HS6ST3: variants seen among roughly 807,000 people sequenced by gnomAD.
HS6ST3 encodes the protein heparan-sulfate 6-O-sulfotransferase 3.
HS6ST3 carries 12 observed loss-of-function variants against 36.7 expected under a neutral mutation model. The ratio of observed to expected loss-of-function variants is 0.33; its 90% CI spans 0.21 to 0.53. HS6ST3 has a LOEUF of 0.53. HS6ST3 is among the 20% of genes least tolerant of loss of function. The probability of loss-of-function intolerance (pLI) is 0.95; values close to 1 mark genes in which losing one functional copy is unlikely to be tolerated. For missense variants in HS6ST3, 584 were observed against 640.9 expected, an observed-to-expected ratio of 0.91 and a Z score of 0.96; for synonymous variants, 240 against 257.5, an observed-to-expected ratio of 0.93 and a Z score of 0.65.
intron 1 of HS6ST3, among the ~76,000 whole-genome samples, chr13:96,786,867 G>A: frequency 2.2e-4 from 1 of 4,472 alleles, no homozygotes; most frequent in East Asian, 7.5e-3. Context: ...TCTCCCTCAT[G>A]CTACCCTTTT....
intron 1 of HS6ST3, among the ~76,000 whole-genome samples, chr13:96,602,835 A>C (rs556887445): frequency 1.1e-4 from 17 of 152,224 alleles, no homozygotes; most frequent in Middle Eastern, 3.4e-3. Flanking sequence ...TCCAAGGTAA[A>C]GTCCTCTACT....
At chr13:96,444,036 T>C (rs1187169632) in intron 1 of HS6ST3, among the ~76,000 whole-genome samples, 1 of 152,196 alleles carries the variant, frequency 6.6e-6, no homozygotes, top group African/African-American at 2.4e-5. Context: ...ATTATTATTA[T>C]TTCCATATTA....
At chr13:96,099,017 C>T (rs2053805284) in intron 1 of HS6ST3, among the ~76,000 whole-genome samples, 1 of 152,178 alleles carries the variant, frequency 6.6e-6, no homozygotes, top group Admixed American at 6.5e-5. Context: ...GATCTCTGCT[C>T]ACTGCAACCT....
chr13:96,456,536 A>G (rs1471095178), intron 1 of HS6ST3, among the ~76,000 whole-genome samples: 1 of 152,216 alleles, frequency 6.6e-6, no homozygotes, highest in African/African-American at 2.4e-5. Context: ...TTCTGCTAAT[A>G]TCTATCATGT....
chr13:96,295,776 G>T (rs1444422409), intron 1 of HS6ST3, among the ~76,000 whole-genome samples: 1 of 152,128 alleles, frequency 6.6e-6, no homozygotes, highest in Non-Finnish European at 1.5e-5. Context: ...GATGTCTGAT[G>T]TTAGCTGCTG....
At chr13:96,429,779 T>C (rs985148646) in intron 1 of HS6ST3, among the ~76,000 whole-genome samples, 6 of 152,314 alleles carry the variant, frequency 3.9e-5, no homozygotes, top group African/African-American at 1.4e-4. Flanking sequence ...GATAGAAAAT[T>C]ATAGGGAGTA....
At chr13:96,324,811 G>C (rs1339908346) in intron 1 of HS6ST3, among the ~76,000 whole-genome samples, 6 of 152,166 alleles carry the variant, frequency 3.9e-5, no homozygotes, top group Admixed American at 2.0e-4. Flanking sequence ...AGAATAGATT[G>C]TCTCTCCCAG....
chr13:96,711,740 A>G (rs1875567081), intron 1 of HS6ST3, among the ~76,000 whole-genome samples: 1 of 152,096 alleles, frequency 6.6e-6, no homozygotes. Context: ...TTTTCTATTT[A>G]TATCATTGTG....
intron 1 of HS6ST3, among the ~76,000 whole-genome samples, chr13:96,725,672 G>A (rs1039243719): frequency 2.0e-5 from 3 of 149,330 alleles, no homozygotes; most frequent in African/African-American, 7.4e-5. Flanking sequence ...TGAATTGCAT[G>A]TGTGTGTGTG....
chr13:96,284,748 C>CTGCTTGCTTGCTTGCTTGCTTGCT (rs72180855), intron 1 of HS6ST3, among the ~76,000 whole-genome samples: 1 of 150,426 alleles, frequency 6.6e-6, no homozygotes, highest in Admixed American at 6.6e-5. Context: ...GGATACTGGT[C>CTGCTTGCTTGCTTGCTTGCTTGCT]TGCTTGCTTG....
chr13:96,517,899 A>T (rs2056078828), intron 1 of HS6ST3, among the ~76,000 whole-genome samples: 1 of 152,210 alleles, frequency 6.6e-6, no homozygotes, highest in Admixed American at 6.5e-5. Context: ...CCATAAAGAT[A>T]CATGCACGCA....
chr13:96,331,283 G>C (rs1395008993), intron 1 of HS6ST3, among the ~76,000 whole-genome samples: 1 of 152,062 alleles, frequency 6.6e-6, no homozygotes, highest in African/African-American at 2.4e-5. Context: ...CAGTTTTTCT[G>C]CTCTGTTTTT....
chr13:96,639,142 A>G (rs2056561386), intron 1 of HS6ST3, among the ~76,000 whole-genome samples: 2 of 151,994 alleles, frequency 1.3e-5, no homozygotes, highest in African/African-American at 4.8e-5. Context: ...GAAGTTCTCA[A>G]CTATTATTGT....
intron 1 of HS6ST3, among the ~76,000 whole-genome samples, chr13:96,328,413 G>A (rs955579389): frequency 5.9e-5 from 9 of 152,004 alleles, no homozygotes; most frequent in Non-Finnish European, 1.0e-4. Context: ...TTTGTCCAAG[G>A]CCTTTTCTGC....
At chr13:96,251,795 T>C (rs2054609338) in intron 1 of HS6ST3, among the ~76,000 whole-genome samples, 1 of 152,178 alleles carries the variant, frequency 6.6e-6, no homozygotes, top group African/African-American at 2.4e-5. Context: ...TTTCCCTTTT[T>C]AGTTTTTCTT....
intron 1 of HS6ST3, among the ~76,000 whole-genome samples, chr13:96,616,461 A>G (rs1299485596): frequency 3.3e-5 from 5 of 152,144 alleles, no homozygotes; most frequent in Admixed American, 1.3e-4. Flanking sequence ...CACTGCCACC[A>G]GTCTTCACCT....
chr13:96,250,928 A>G (rs2054604932), intron 1 of HS6ST3, among the ~76,000 whole-genome samples: 1 of 152,178 alleles, frequency 6.6e-6, no homozygotes, highest in Non-Finnish European at 1.5e-5. Flanking sequence ...CATCCCAGGG[A>G]TAAATCTCAC....
intron 1 of HS6ST3, among the ~76,000 whole-genome samples, chr13:96,540,656 C>G (rs2056174150): frequency 6.6e-6 from 1 of 152,200 alleles, no homozygotes; most frequent in Non-Finnish European, 1.5e-5. Flanking sequence ...TACTAACATG[C>G]TCTTGTAACT....
intron 1 of HS6ST3, among the ~76,000 whole-genome samples, chr13:96,329,041 T>G (rs2055049448): frequency 6.6e-6 from 1 of 151,178 alleles, no homozygotes; most frequent in Non-Finnish European, 1.5e-5. Flanking sequence ...CCTTTATCAT[T>G]TTTTATTGCA....
Sources: allele counts gnomAD v4.1 joint callset (sites outside exome capture counted in the v4.1 genomes callset), GRCh38; gene constraint gnomAD v4.1.1; transcripts MANE v1.5; gene names NCBI Gene and HGNC (gene_info 2026-07-23, HGNC 2026-07-21).